PRORP: variants seen among roughly 807,000 people sequenced by gnomAD.
PRORP encodes the protein mitochondrial ribonuclease P catalytic subunit.
In PRORP, 51 loss-of-function variants were observed where a neutral mutation model predicts 59.4. The observed-to-expected ratio is 0.86, with a 90% confidence interval of 0.69 to 1.08. PRORP has a LOEUF of 1.08. Among genes scored for constraint, PRORP ranks in the 50% least tolerant of loss-of-function variants. The probability of loss-of-function intolerance (pLI) is 0.00; values close to 1 mark genes in which losing one functional copy is unlikely to be tolerated. For synonymous variants in PRORP, 231 were observed against 245.6 expected, an observed-to-expected ratio of 0.94 and a Z score of 0.55; for missense variants, 646 against 690.3, an observed-to-expected ratio of 0.94 and a Z score of 0.72.
chr14:35,200,220 T>G (rs971055171), intron 5 of PRORP, among the ~76,000 whole-genome samples: 3 of 152,114 alleles, frequency 2.0e-5, no homozygotes, highest in Admixed American at 2.0e-4. Flanking sequence ...TGAGACAGAG[T>G]CTCACTCTGT....
Position 35,276,913 on chromosome 14 carries a change from G to T in PRORP, c.*3347G>T, listed in dbSNP as rs990309722. On this transcript the variant is annotated 3_prime_UTR_variant, in exon 8 of 8. Coordinates refer to ENST00000534898, the MANE Select transcript of PRORP (RefSeq NM_014672.4). ...GTTTATTCTCTCAGGGCTCTGTTGGGTCTACCTCATCTGAGGTGGCTTATT... is the reference window on the plus strand; with the variant it reads ...GTTTATTCTCTCAGGGCTCTGTTGGTTCTACCTCATCTGAGGTGGCTTATT... The T allele has an allele frequency of 6.6e-6, 1 of 152,150 alleles. No individual in the cohort carries two copies. Among genetic ancestry groups the T allele is most frequent in the African/African-American group, 2.4e-5 (1 of 41,452 alleles). 9.4% of individuals were successfully genotyped at this position (152,150 alleles called of 1,614,324 possible). A position where few individuals can be genotyped will look rare whatever the true frequency, so the allele number is the denominator to read the frequency against.
chr14:35,140,467 C>G (rs1320280759), intron 4 of PRORP, among the ~76,000 whole-genome samples: 1 of 145,578 alleles, frequency 6.9e-6, no homozygotes, highest in East Asian at 2.3e-4. Context: ...TTTTTATATG[C>G]TTAATTGCCA....
chr14:35,198,010 T>A (rs2049050385), intron 5 of PRORP, among the ~76,000 whole-genome samples: 1 of 152,208 alleles, frequency 6.6e-6, no homozygotes, highest in Non-Finnish European at 1.5e-5. Context: ...CATTTGTAAG[T>A]ACCTCACATT....
rs187544250 is a variant in PRORP at position 35,144,411 on chromosome 14, C to T, written c.1167+16800C>T. The stretch of plus-strand genomic sequence containing the variant: ...ATGCCTTTCAACACTGCCTTGCTGG[C>T]CTTAAAAGCCTTAGCTTTGGATTTG... On this transcript the variant is annotated intron_variant, in intron 4 of 7. Transcript: ENST00000534898. 4.1e-5 allele frequency: 6 copies of T among 146,134 alleles called. 1 individual carries two copies. The highest frequency in any genetic ancestry group is 4.6e-4 in the East Asian group (2 of 4,330). 9.1% of individuals were successfully genotyped at this position (146,134 alleles called of 1,614,324 possible).
intron 3 of PRORP, 53 bp from the exon 4 acceptor site, chr14:35,127,426 C>G (rs886283503): frequency 1.5e-6 from 2 of 1,338,940 alleles, no homozygotes; most frequent in East Asian, 5.6e-5. Flanking sequence ...TTTTTTTCCC[C>G]AGAACATTAT....
At chr14:35,189,649 G>A (rs1186522302) in intron 5 of PRORP, among the ~76,000 whole-genome samples, 1 of 152,070 alleles carries the variant, frequency 6.6e-6, no homozygotes, top group African/African-American at 2.4e-5. Flanking sequence ...CACAAGGTTA[G>A]GCTAATGATT....
At chr14:35,205,561 A>T (rs938016400) in intron 5 of PRORP, among the ~76,000 whole-genome samples, 1 of 152,084 alleles carries the variant, frequency 6.6e-6, no homozygotes, top group East Asian at 1.9e-4. Flanking sequence ...GGCTCAAGCA[A>T]TCCTCCCACC....
rs990002225 is a variant in PRORP, at chr14:35,158,313, TATC to T, written c.1168-22355_1168-22353del. On this transcript the variant is annotated intron_variant, in intron 4 of 7. Transcript: ENST00000534898. ...CATCTTTCAAATCGTGCATATGTGTTATCAACATATTTCTTAGAATTGTAAAAA... is the reference window on the plus strand; with the variant it reads ...CATCTTTCAAATCGTGCATATGTGTTAACATATTTCTTAGAATTGTAAAAA... 11 of 271,942 alleles carry T rather than the reference TATC, an allele frequency of 4.0e-5. No individual in the cohort carries two copies. The Admixed American group carries it at 5.5e-4, about 14-fold the overall frequency. 16.8% of individuals were successfully genotyped at this position (271,942 alleles called of 1,614,324 possible).
chr14:35,254,639 G>C (rs1000311431), intron 5 of PRORP, among the ~76,000 whole-genome samples: 2 of 152,134 alleles, frequency 1.3e-5, no homozygotes, highest in Non-Finnish European at 2.9e-5. Flanking sequence ...TGCTCCACCC[G>C]CTTTGGCCTC....
At chr14:35,153,927 T>G (rs2047846136) in intron 4 of PRORP, among the ~76,000 whole-genome samples, 1 of 152,246 alleles carries the variant, frequency 6.6e-6, no homozygotes, top group Non-Finnish European at 1.5e-5. Context: ...ATATAAGGGT[T>G]ATTATAAGCT....
chr14:35,201,315 CAGTT>C (rs2049142383), intron 5 of PRORP, among the ~76,000 whole-genome samples: 2 of 152,140 alleles, frequency 1.3e-5, no homozygotes, highest in African/African-American at 2.4e-5. Flanking sequence ...GTGCAGCCCT[CAGTT>C]AAAGAGCTGG....
At chr14:35,124,431 CTAAT>C (rs1307820133) in intron 2 of PRORP, 200 bp downstream of exon 2, 1 of 338,188 alleles carries the variant, frequency 3.0e-6, no homozygotes, top group East Asian at 4.5e-5. Context: ...CCATACCTGG[CTAAT>C]TATTTTTAAT....
intron 2 of PRORP, among the ~76,000 whole-genome samples, chr14:35,126,022 A>G (rs2047088661): frequency 6.6e-6 from 1 of 152,164 alleles, no homozygotes; most frequent in South Asian, 2.1e-4. Flanking sequence ...ACCTTGTCTC[A>G]AAAGAAAAAA....
Position 35,245,641 on chromosome 14 carries a change from C to T in PRORP, c.1276-21086C>T, listed in dbSNP as rs372763930. Among the ~76,000 whole-genome samples, 4 of 152,128 alleles carry T rather than the reference C, an allele frequency of 2.6e-5. No individual in the cohort carries two copies. The East Asian group carries it at 5.8e-4, about 22-fold the overall frequency. On this transcript the variant is annotated intron_variant, in intron 5 of 7. Coordinates refer to ENST00000534898, the MANE Select transcript of PRORP (RefSeq NM_014672.4). ...AGCCTAGGCAACAGAATGAGACCCTCTCTCAAAAAAATAATAAAGTGATGG... is the reference window on the plus strand; with the variant it reads ...AGCCTAGGCAACAGAATGAGACCCTTTCTCAAAAAAATAATAAAGTGATGG...
At chr14:35,131,664 G>A (rs569223598) in intron 4 of PRORP, among the ~76,000 whole-genome samples, 42 of 151,674 alleles carry the variant, frequency 2.8e-4, no homozygotes, top group Middle Eastern at 3.4e-3. Context: ...GAGTAGCTGG[G>A]ATTACAGGCA....
chr14:35,128,088 ATTAT>A (rs1431089056), intron 4 of PRORP, among the ~76,000 whole-genome samples: 1 of 152,188 alleles, frequency 6.6e-6, no homozygotes, highest in Non-Finnish European at 1.5e-5. Context: ...GTAACTTAAG[ATTAT>A]TTACAGATTT....
At chr14:35,166,858 C>T (rs567875573) in intron 4 of PRORP, among the ~76,000 whole-genome samples, 2 of 152,306 alleles carry the variant, frequency 1.3e-5, no homozygotes, top group Non-Finnish European at 2.9e-5. Context: ...TAATGCTCAG[C>T]ATATGCCATT....
chr14:35,129,626 C>A (rs747065646), intron 4 of PRORP, among the ~76,000 whole-genome samples: 5 of 152,004 alleles, frequency 3.3e-5, no homozygotes, highest in Non-Finnish European at 5.9e-5. Context: ...AGGCGCACAC[C>A]ACCATGCCCA....
intron 5 of PRORP, among the ~76,000 whole-genome samples, chr14:35,182,361 C>T (rs1311233258): frequency 4.0e-5 from 6 of 151,282 alleles, no homozygotes; most frequent in Non-Finnish European, 7.4e-5. Context: ...AAAAGATGAA[C>T]CGACTGGGCA....
Sources: allele counts gnomAD v4.1 joint callset (sites outside exome capture counted in the v4.1 genomes callset), GRCh38; gene constraint gnomAD v4.1.1; transcripts MANE v1.5; gene names NCBI Gene and HGNC (gene_info 2026-07-23, HGNC 2026-07-21).